AQR: variants seen among roughly 807,000 people sequenced by gnomAD.
AQR encodes RNA helicase aquarius.
In AQR, 61 loss-of-function variants were observed where a neutral mutation model predicts 180.5. The ratio of observed to expected loss-of-function variants is 0.34; its 90% CI spans 0.28 to 0.42. The LOEUF (loss-of-function observed/expected upper bound fraction) is 0.42. AQR is among the 10% of genes least tolerant of loss of function. The pLI is 1.00. For synonymous variants in AQR, 551 were observed against 588.8 expected (o/e 0.94, Z 0.93); for missense variants, 1,281 against 1,798.3 (o/e 0.71, Z 5.20).
intron 22 of AQR, among the ~76,000 whole-genome samples, chr15:34,896,257 T>C (rs1366159457): frequency 6.6e-6 from 1 of 152,172 alleles, no homozygotes; most frequent in Non-Finnish European, 1.5e-5. Context: ...GATGATATAT[T>C]TGCTAATTAC....
rs550469414 is a variant in AQR, at chr15:34,851,797, CTTCTT to C, written c.*4990_*4994del. 4.6e-5 allele frequency: 7 copies of C among 152,316 alleles called. No homozygotes were observed. The South Asian group carries it at 1.2e-3, about 27-fold the overall frequency. 9.4% of individuals were successfully genotyped at this position (152,316 alleles called of 1,614,324 possible). ...GCCAGACACATTGGAAATACAAACTCTTCTTTTACTGCATAAGAAATGAGAAGAAA... is the reference window on the plus strand; with the variant it reads ...GCCAGACACATTGGAAATACAAACTCTTACTGCATAAGAAATGAGAAGAAA... On this transcript the variant is annotated 3_prime_UTR_variant, in exon 35 of 35. Transcript: ENST00000156471.
At chr15:34,880,360 G>A (rs1433693215) in intron 27 of AQR, among the ~76,000 whole-genome samples, 2 of 152,160 alleles carry the variant, frequency 1.3e-5, no homozygotes, top group African/African-American at 4.8e-5. Context: ...TCTGACATAT[G>A]AGAAAGGCAA....
At chr15:34,881,874 C>T (rs1006961298) in intron 27 of AQR, among the ~76,000 whole-genome samples, 53 of 152,118 alleles carry the variant, frequency 3.5e-4, no homozygotes, top group African/African-American at 1.2e-3. Flanking sequence ...GGCACAATCT[C>T]GGCTCACTGC....
intron 15 of AQR, among the ~76,000 whole-genome samples, chr15:34,917,856 C>A (rs973263141): frequency 8.1e-5 from 12 of 148,908 alleles, no homozygotes; most frequent in African/African-American, 3.0e-4. Context: ...TGGTGGTGCA[C>A]GCCTGTGGTC....
chr15:34,870,326 G>C (rs7171808), intron 31 of AQR: 117,116 of 152,068 alleles, frequency 0.77, 45,696 homozygotes, highest in Middle Eastern at 0.87. Context: ...ATGCATTTTT[G>C]ATTACATAAA....
chr15:34,933,244 T>G (rs901342381), intron 10 of AQR, among the ~76,000 whole-genome samples: 1 of 152,218 alleles, frequency 6.6e-6, no homozygotes, highest in African/African-American at 2.4e-5. Flanking sequence ...AGTTAGTTAC[T>G]GGCAGAGCTA....
At chr15:34,917,496 C>T (rs921705361) in intron 15 of AQR, among the ~76,000 whole-genome samples, 1 of 151,920 alleles carries the variant, frequency 6.6e-6, no homozygotes, top group Non-Finnish European at 1.5e-5. Flanking sequence ...CTAGGCAATA[C>T]CATTTTGGAT....
In AQR at chr15:34,969,581, C is replaced by A; in HGVS notation, c.33G>T (p.Val11=). 1 of 1,613,746 alleles carries A rather than the reference C, an allele frequency of 6.2e-7. No homozygotes were observed. The highest frequency in any genetic ancestry group is 8.5e-7 in the Non-Finnish European group (1 of 1,180,028). MAAPAQPKKI[V]APTVSQINAE... is the part of the protein sequence containing the mutation. ...CATTGATTTGGGACACCGTAGGGGCCACGATCTTCTTGGGCTGCGCAGGGG... is the reference window on the plus strand; with the variant it reads ...CATTGATTTGGGACACCGTAGGGGCAACGATCTTCTTGGGCTGCGCAGGGG... Residue 11 remains valine, a synonymous_variant, in exon 1 of 35, where the codon GTG becomes GTT. Transcript: ENST00000156471.
chr15:34,930,282 G>A lies in AQR; in HGVS notation c.990C>T (p.His330=). 1 of 1,600,042 alleles carries A rather than the reference G, an allele frequency of 6.2e-7. No individual in the cohort carries two copies. The highest frequency in any genetic ancestry group is 2.2e-5 in the East Asian group (1 of 44,658). ...ALTENEMTTI[H]YDRITSLQRA... ...CCTGTAGAGAAGTAATTCTATCATAGTGAATTGTGGTCATCTCATTCTCTG... is the reference window on the plus strand; with the variant it reads ...CCTGTAGAGAAGTAATTCTATCATAATGAATTGTGGTCATCTCATTCTCTG... Residue 330 remains histidine, a synonymous_variant, in exon 12 of 35, where the codon CAC becomes CAT. Transcript: ENST00000156471.
chr15:34,875,684 TA>T (rs1892879991), intron 28 of AQR, among the ~76,000 whole-genome samples: 1 of 152,146 alleles, frequency 6.6e-6, no homozygotes, highest in African/African-American at 2.4e-5. Flanking sequence ...TTAAAATTAC[TA>T]AATCTTTTCA....
chr15:34,856,611 A>G lies in AQR; in HGVS notation c.*181T>C, dbSNP rs1450462243. Reference sequence around the variant, plus strand: ...CTCTTCTGATTGAACAAATGAAACTAGAATTGTTCATACACATAATTTAAA... The same window carrying G: ...CTCTTCTGATTGAACAAATGAAACTGGAATTGTTCATACACATAATTTAAA... On this transcript the variant is annotated 3_prime_UTR_variant, in exon 35 of 35. Coordinates refer to ENST00000156471, the MANE Select transcript of AQR (RefSeq NM_014691.3). 3.3e-5 allele frequency: 16 copies of G among 482,648 alleles called. No individual in the cohort carries two copies. In the East Asian group the frequency reaches 5.1e-4, roughly 15 times the overall value. The allele number at this position is 482,648 out of a possible 1,614,324, so 29.9% of individuals were successfully genotyped here. A position where few individuals can be genotyped will look rare whatever the true frequency, so the allele number is the denominator to read the frequency against.
In AQR at chr15:34,906,631, G is replaced by T; in HGVS notation, c.1745C>A (p.Pro582His). The T allele has an allele frequency of 1.2e-6, 2 of 1,614,004 alleles. No individual in the cohort carries two copies. Among genetic ancestry groups the T allele is most frequent in the Non-Finnish European group, 1.7e-6 (2 of 1,179,984 alleles). ...PYGTKFDRRRPFIEQVGLVYV... is the reference protein window; with the variant it reads ...PYGTKFDRRRHFIEQVGLVYV... ...AACCAGGCCAACCTGCTCAATAAAA[G>T]GTCTCCTCCGGTCAAACTTAGTGCC... The change falls in exon 18 of 35, where the codon CCT (proline) becomes CAT (histidine). Residue 582 changes from proline to histidine, a missense_variant. By Grantham distance (77) the Pro-to-His change is moderately conservative. Around this residue, in one of 9 missense-constraint regions of AQR, gnomAD observed 200 missense variants for 293.4 expected, o/e 0.68. Coordinates refer to ENST00000156471, the MANE Select transcript of AQR (RefSeq NM_014691.3).
chr15:34,929,842 G>A (rs1225900363), intron 12 of AQR, among the ~76,000 whole-genome samples: 1 of 152,160 alleles, frequency 6.6e-6, no homozygotes. Flanking sequence ...ATCAGCAAAA[G>A]AAAACAAGTG....
chr15:34,860,921 T>C (rs975891970), intron 33 of AQR, among the ~76,000 whole-genome samples: 2 of 152,186 alleles, frequency 1.3e-5, no homozygotes, highest in African/African-American at 4.8e-5. Context: ...CTGACAACAA[T>C]CTAAGAAACA....
intron 10 of AQR, 25 bp from the exon 11 acceptor site, chr15:34,932,459 G>T (rs973437037): frequency 3.6e-5 from 53 of 1,474,518 alleles, no homozygotes; most frequent in African/African-American, 1.1e-4. Context: ...CATCATAACA[G>T]TAAGTTTGCA....
At chr15:34,899,706 T>A (rs1893301486) in intron 20 of AQR, among the ~76,000 whole-genome samples, 1 of 151,786 alleles carries the variant, frequency 6.6e-6, no homozygotes, top group Non-Finnish European at 1.5e-5. Flanking sequence ...AGTTGAAAGC[T>A]GTGTGTTTTC....
chr15:34,896,787 T>A, intron 22 of AQR, 110 bp downstream of exon 22: 1 of 879,620 alleles, frequency 1.1e-6, no homozygotes, highest in Middle Eastern at 2.2e-4. Context: ...AGGCAGAGGC[T>A]GCAGTGAGCT....
intron 13 of AQR, 52 bp downstream of exon 13, chr15:34,926,983 T>C (rs1046939475): frequency 8.9e-7 from 1 of 1,128,752 alleles, no homozygotes; most frequent in Non-Finnish European, 1.3e-6. Context: ...AAAAGTAAAA[T>C]TGAGGGAGCA....
rs776921302 is a variant in AQR, at chr15:34,897,571, T to C, written c.2378A>G (p.Asn793Ser). The C allele has an allele frequency of 1.2e-6, 2 of 1,614,062 alleles. No homozygotes were observed. Among genetic ancestry groups the C allele is most frequent in the Non-Finnish European group, 1.7e-6 (2 of 1,179,970 alleles). Residue 793 changes from asparagine (N) to serine (S), a missense_variant, in exon 21 of 35, where the codon AAT (asparagine) becomes AGT (serine). Asn to Ser is a conservative substitution (Grantham distance 46). Coordinates refer to ENST00000156471, the MANE Select transcript of AQR (RefSeq NM_014691.3). Reference sequence around the variant, plus strand: ...GTAGTAAAATTACCGTTTGGGTTGATTATAAGGATAAGGACCCCTATTAGG... The same window carrying C: ...GTAGTAAAATTACCGTTTGGGTTGACTATAAGGATAAGGACCCCTATTAGG... ...VIPNRGPYPY[N>S]QPKRNTIQFT... is the part of the protein sequence containing the mutation.
Sources: allele counts gnomAD v4.1 joint callset (sites outside exome capture counted in the v4.1 genomes callset), GRCh38; gene constraint gnomAD v4.1.1; regional missense constraint gnomAD v4.1.1; transcripts MANE v1.5; gene names NCBI Gene and HGNC (gene_info 2026-07-23, HGNC 2026-07-21).